SCFD2: variants seen among roughly 807,000 people sequenced by gnomAD.
The protein encoded by SCFD2 is sec1 family domain-containing protein 2.
A neutral mutation model predicts 58.9 loss-of-function variants in SCFD2; 54 were observed. The ratio of observed to expected loss-of-function variants is 0.92; its 90% CI spans 0.74 to 1.15. The LOEUF is 1.15. Ranked by LOEUF, SCFD2 falls within the 50% of genes most tolerant of loss-of-function variation. The pLI is 0.00. For synonymous variants in SCFD2, 321 were observed against 335.9 expected, an observed-to-expected ratio of 0.96 and a Z score of 0.49; for missense variants, 805 against 836.6, an observed-to-expected ratio of 0.96 and a Z score of 0.47.
intron 5 of SCFD2, among the ~76,000 whole-genome samples, chr4:53,140,357 AG>A (rs1726092026): frequency 7.3e-6 from 1 of 136,492 alleles, no homozygotes; most frequent in Non-Finnish European, 1.6e-5. Context: ...AAAGAAAAAT[AG>A]TATGAGTAAA....
At chr4:53,067,211 A>G (rs753638407) in intron 5 of SCFD2, among the ~76,000 whole-genome samples, 1 of 151,994 alleles carries the variant, frequency 6.6e-6, no homozygotes, top group African/African-American at 2.4e-5. Flanking sequence ...ACCATGGAGC[A>G]AAATGTACAG....
At chr4:53,274,876 T>C (rs1350579384) in intron 3 of SCFD2, among the ~76,000 whole-genome samples, 9 of 152,206 alleles carry the variant, frequency 5.9e-5, no homozygotes, top group Non-Finnish European at 1.5e-5. Flanking sequence ...GGGCCAAACA[T>C]AGATGTAAGC....
chr4:53,010,377 G>C (rs1722068061), intron 5 of SCFD2, among the ~76,000 whole-genome samples: 1 of 152,180 alleles, frequency 6.6e-6, no homozygotes, highest in South Asian at 2.1e-4. Flanking sequence ...TTCAAAACGT[G>C]ACTTTTACAC....
chr4:53,203,026 C>A (rs1182039868), intron 4 of SCFD2, among the ~76,000 whole-genome samples: 1 of 152,162 alleles, frequency 6.6e-6, no homozygotes, highest in South Asian at 2.1e-4. Flanking sequence ...ATTTCCTTCT[C>A]CTGCCTGATT....
intron 5 of SCFD2, among the ~76,000 whole-genome samples, chr4:53,032,605 G>A (rs1401651951): frequency 6.6e-6 from 1 of 152,040 alleles, no homozygotes; most frequent in Non-Finnish European, 1.5e-5. Context: ...TATTTACCAA[G>A]CAAATGTAAA....
chr4:52,939,484 G>A (rs567161315), intron 5 of SCFD2, among the ~76,000 whole-genome samples: 3 of 152,056 alleles, frequency 2.0e-5, no homozygotes, highest in Non-Finnish European at 4.4e-5. Context: ...CCAAACATAG[G>A]AACACTAGGA....
At chr4:53,322,104 T>TAAAA (rs1043772777) in intron 2 of SCFD2, among the ~76,000 whole-genome samples, 2 of 152,122 alleles carry the variant, frequency 1.3e-5, no homozygotes, top group African/African-American at 2.4e-5. Context: ...AAGGACTGGG[T>TAAAA]AAAATAAGGC....
intron 5 of SCFD2, chr4:52,950,530 G>A (rs1720563078): frequency 6.6e-6 from 1 of 152,218 alleles, no homozygotes; most frequent in Non-Finnish European, 1.5e-5. Context: ...ATGAAATACA[G>A]GAAAGCAAAA....
intron 5 of SCFD2, among the ~76,000 whole-genome samples, chr4:53,097,431 A>T (rs1431865081): frequency 6.6e-6 from 1 of 152,172 alleles, no homozygotes; most frequent in Admixed American, 6.5e-5. Context: ...GGTCCTTCAC[A>T]TCCCTTGTAA....
intron 5 of SCFD2, among the ~76,000 whole-genome samples, chr4:52,926,173 T>G (rs1364907379): frequency 6.6e-6 from 1 of 152,094 alleles, no homozygotes; most frequent in East Asian, 1.9e-4. Flanking sequence ...CTTACTCCAG[T>G]CTACCTAGTT....
chr4:53,032,008 T>A (rs1261121212), intron 5 of SCFD2, among the ~76,000 whole-genome samples: 2 of 152,022 alleles, frequency 1.3e-5, no homozygotes, highest in East Asian at 3.9e-4. Flanking sequence ...AAGGTTGAAA[T>A]GAAGGAAAAA....
rs774181607 is a variant in SCFD2, at chr4:53,086,941, G to GT, written c.1561+58391dup. 4.3e-4 allele frequency among the ~76,000 whole-genome samples: 65 copies of GT among 152,208 alleles called. 2 individuals are homozygous for GT. Among genetic ancestry groups the GT allele is most frequent in the Admixed American group, 2.3e-3 (35 of 15,282 alleles). The stretch of plus-strand genomic sequence containing the variant: ...TGGTTAATATGTAGGAAAAAAGATA[G>GT]TTGGAAAGAAGGAATAAGACTTGGT... On this transcript the variant is annotated intron_variant, in intron 5 of 8. Coordinates refer to ENST00000401642, the MANE Select transcript of SCFD2 (RefSeq NM_152540.4).
At position 53,207,966 on chromosome 4, in the gene SCFD2, T is replaced by C. The variant is rs983280657; in HGVS notation, c.1312-62384A>G. The stretch of plus-strand genomic sequence containing the variant: ...TTTTCTTTCTTTTCTTTTCTTTTTT[T>C]TTTTCCCCCCATACAAAGTCTAGCT... On this transcript the variant is annotated intron_variant, in intron 4 of 8. Transcript: ENST00000401642. Among the ~76,000 whole-genome samples the C allele has an allele frequency of 2.1e-3, 324 of 151,208 alleles. 4 individuals are homozygous for C. Among genetic ancestry groups the C allele is most frequent in the Non-Finnish European group, 1.8e-3 (125 of 67,868 alleles).
chr4:53,080,735 G>A (rs1724122328), intron 5 of SCFD2, among the ~76,000 whole-genome samples: 1 of 152,146 alleles, frequency 6.6e-6, no homozygotes, highest in African/African-American at 2.4e-5. Context: ...TAGGAGATAT[G>A]TCAACAACCA....
intron 5 of SCFD2, among the ~76,000 whole-genome samples, chr4:53,048,655 C>T (rs146210892): frequency 0.012 from 1,780 of 152,250 alleles, 44 homozygotes; most frequent in Admixed American, 0.065. Flanking sequence ...GTGGACAGAT[C>T]GCTCGAGCCT....
At chr4:53,346,043 T>C (rs1021875101) in intron 2 of SCFD2, among the ~76,000 whole-genome samples, 4 of 152,146 alleles carry the variant, frequency 2.6e-5, no homozygotes, top group Non-Finnish European at 5.9e-5. Flanking sequence ...GGCACATGTA[T>C]ACCTATGTAA....
chr4:53,208,394 A>G (rs1342563560), intron 4 of SCFD2, among the ~76,000 whole-genome samples: 1 of 152,180 alleles, frequency 6.6e-6, no homozygotes, highest in Non-Finnish European at 1.5e-5. Flanking sequence ...ATACATATTT[A>G]CTAAATAATC....
chr4:53,144,350 GTA>G (rs1726257453), intron 5 of SCFD2, among the ~76,000 whole-genome samples: 1 of 149,542 alleles, frequency 6.7e-6, no homozygotes, highest in African/African-American at 2.5e-5. Context: ...GTATATGTAA[GTA>G]TATATGTTAT....
In SCFD2 at chr4:53,365,203, C is replaced by A. The variant is rs573863340; in HGVS notation, c.739G>T (p.Ala247Ser). 2 of 1,614,168 alleles carry A rather than the reference C, an allele frequency of 1.2e-6. No homozygotes were observed. Among genetic ancestry groups the A allele is most frequent in the African/African-American group, 2.7e-5 (2 of 75,038 alleles). ...FAVGSLSQVI[A>S]ADLANYAPAK... The stretch of plus-strand genomic sequence containing the variant: ...GGGGCATAATTGGCCAGATCCGCAG[C>A]GATGACCTGACTTAAGGAACCTACA... Residue 247 changes from alanine to serine, a missense_variant, in exon 1 of 9, where the codon GCT (alanine) becomes TCT (serine). By Grantham distance (99) the Ala-to-Ser change is moderately conservative. This residue lies in a region of SCFD2 where 633 missense variants were observed against 646.8 expected (regional missense o/e 0.98). Transcript: ENST00000401642. The surrounding 1 kb of genome is among the most constrained non-coding windows in gnomAD (Gnocchi z 4.3).
Sources: gnomAD v4.1 joint callset for allele counts (sites outside exome capture counted in the v4.1 genomes callset) on GRCh38, gnomAD v4.1.1 for gene constraint, gnomAD v4.1.1 regional missense constraint, Gnocchi (gnomAD v3.1) non-coding constraint, MANE v1.5 for transcripts, NCBI Gene and HGNC (gene_info 2026-07-23, HGNC 2026-07-21) for gene names.